The following TRPV1 variants were observed in gnomAD, a reference collection of about 807,000 sequenced individuals.
TRPV1 encodes transient receptor potential cation channel subfamily V member 1, also known as OTRPC1.
In TRPV1, 82 loss-of-function variants were observed where a neutral mutation model predicts 82.3. The observed-to-expected ratio is 1.00, with a 90% CI of 0.83 to 1.20. TRPV1 has a LOEUF of 1.20. Ranked by LOEUF, TRPV1 falls within the 50% of genes most tolerant of loss-of-function variation. TRPV1 has a pLI of 0.00. For missense variants in TRPV1, 1,067 were observed against 1,096.8 expected, an observed-to-expected ratio of 0.97 and a Z score of 0.38; for synonymous variants, 515 against 467.7, an observed-to-expected ratio of 1.10 and a Z score of -1.30.
intron 9 of TRPV1, among the ~76,000 whole-genome samples, chr17:3,584,844 A>C (rs144523486): frequency 6.0e-4 from 92 of 152,320 alleles, no homozygotes; most frequent in African/African-American, 2.2e-3. Flanking sequence ...GTGCCCTGGA[A>C]ACAAAAGCAG....
At chr17:3,584,402 C>CAAG (rs2075057678) in intron 9 of TRPV1, among the ~76,000 whole-genome samples, 1 of 16,746 alleles carries the variant, frequency 6.0e-5, no homozygotes, top group African/African-American at 2.3e-4. Context: ...GACTCTGTCT[C>CAAG]AAAAAAAAAA....
At chr17:3,593,851 C>T (rs972424557) in intron 2 of TRPV1, among the ~76,000 whole-genome samples, 4 of 152,130 alleles carry the variant, frequency 2.6e-5, no homozygotes, top group African/African-American at 4.8e-5. Context: ...CTGGCCTGGG[C>T]GCGTGGCTCA....
intron 14 of TRPV1, among the ~76,000 whole-genome samples, chr17:3,572,748 C>T (rs1321945554): frequency 1.3e-5 from 2 of 152,168 alleles, no homozygotes; most frequent in East Asian, 1.9e-4. Context: ...TTTGGGAGGC[C>T]AAGGCAGGCA....
At position 3,571,644 on chromosome 17, in the gene TRPV1, A is replaced by G; in HGVS notation, c.2232-5T>C. The G allele has an allele frequency of 1.9e-6, 3 of 1,603,324 alleles. No individual in the cohort carries two copies. In the East Asian group the frequency reaches 6.7e-5, roughly 36 times the overall value. ...GTCCAGTTCACCTCGTCCACCCTGC[A>G]GGGTAAGGGGTCGGGAGAGCCTGAG... On this transcript the variant is annotated splice_polypyrimidine_tract_variant and splice_region_variant and intron_variant, in intron 15 of 16. Transcript: ENST00000572705.
intron 12 of TRPV1, among the ~76,000 whole-genome samples, 168 bp downstream of exon 12, chr17:3,577,430 C>T (rs1567661670): frequency 6.6e-6 from 1 of 152,198 alleles, no homozygotes; most frequent in Non-Finnish European, 1.5e-5. Flanking sequence ...CCCCCCTACA[C>T]ATACCTGGGT....
chr17:3,590,186 G>C lies in TRPV1; in HGVS notation c.745+66C>G, dbSNP rs2075139066. On this transcript the variant is annotated intron_variant, in intron 6 of 16. Coordinates refer to ENST00000572705, the MANE Select transcript of TRPV1 (RefSeq NM_080704.4). The stretch of plus-strand genomic sequence containing the variant: ...AACCACCGGCCTCCAAACTCCCTCT[G>C]TCTCTGCCCAAACCTCCCCTTAGCA... The C allele has an allele frequency of 6.3e-6, 10 of 1,595,588 alleles. No individual in the cohort carries two copies. The South Asian group carries it at 9.0e-5, about 14-fold the overall frequency.
chr17:3,595,272 G>A (rs1009432115), intron 2 of TRPV1, among the ~76,000 whole-genome samples: 12 of 152,266 alleles, frequency 7.9e-5, no homozygotes, highest in Admixed American at 7.2e-4. Flanking sequence ...AGGAGACCGA[G>A]GCACAGAGCA....
intron 16 of TRPV1, among the ~76,000 whole-genome samples, chr17:3,569,358 C>T (rs1463255297): frequency 2.6e-5 from 4 of 152,264 alleles, no homozygotes; most frequent in East Asian, 1.9e-4. Context: ...ACCCAGAAGG[C>T]GGAGGTTGCA....
At chr17:3,599,354 G>T (rs1471702512) in intron 2 of TRPV1, among the ~76,000 whole-genome samples, 1 of 152,144 alleles carries the variant, frequency 6.6e-6, no homozygotes, top group African/African-American at 2.4e-5. Flanking sequence ...TCACACTGTT[G>T]TACAACCATC....
In TRPV1 at chr17:3,572,161, T is replaced by TA; in HGVS notation, c.2191dup (p.Tyr731LeufsTer4). The TA allele has an allele frequency of 6.2e-7, 1 of 1,613,666 alleles. No individual in the cohort carries two copies. Among genetic ancestry groups the TA allele is most frequent in the East Asian group, 2.2e-5 (1 of 44,866 alleles). ...GTAGTCGTCCTTGCCATCAGGTGTG[T>TA]ACCCCACCTGCAGCAGCTTGCCTGA... On this transcript the variant is annotated frameshift_variant, in exon 15 of 17. Transcript: ENST00000572705. LOFTEE classifies it high-confidence loss of function.
In TRPV1 at chr17:3,567,005, T is replaced by C. The variant is rs1205708679; in HGVS notation, c.2348-18A>G. On this transcript the variant is annotated intron_variant, in intron 16 of 16. Transcript: ENST00000572705. Reference sequence around the variant, plus strand: ...GCCTGAAACTGAAGGGTAACACTATTACTACCTTGGATGCAACAAAACAAA... The same window carrying C: ...GCCTGAAACTGAAGGGTAACACTATCACTACCTTGGATGCAACAAAACAAA... 5 of 1,612,452 alleles carry C rather than the reference T, an allele frequency of 3.1e-6. No homozygotes were observed. The African/African-American group carries it at 6.7e-5, about 22-fold the overall frequency.
chr17:3,581,507 T>C (rs1432281442), intron 10 of TRPV1, among the ~76,000 whole-genome samples: 1 of 151,670 alleles, frequency 6.6e-6, no homozygotes, highest in African/African-American at 2.4e-5. Flanking sequence ...GAAGACGAAG[T>C]TCAATGACTG....
chr17:3,599,632 C>CTTTTCT (rs1208059505), intron 2 of TRPV1, among the ~76,000 whole-genome samples: 9 of 141,564 alleles, frequency 6.4e-5, no homozygotes, highest in African/African-American at 2.4e-4. Context: ...TTTTTCTTTT[C>CTTTTCT]TTTTTTTTTT....
In TRPV1 at chr17:3,571,516, C is replaced by T. The variant is rs200793682; in HGVS notation, c.2347+8G>A. 1,542 of 1,583,438 alleles carry T rather than the reference C, an allele frequency of 9.7e-4. 2 individuals are homozygous for T. The highest frequency in any genetic ancestry group is 1.2e-3 in the Non-Finnish European group (1,436 of 1,164,368). On this transcript the variant is annotated splice_region_variant and intron_variant, in intron 16 of 16. Transcript: ENST00000572705. ...AGGAGGCGCCAAGCACCGGCCCTCA[C>T]GCCTCACCTCTGCTTGACCGCAGGG...
chr17:3,570,543 A>G (rs1007653773), intron 16 of TRPV1, among the ~76,000 whole-genome samples: 6 of 152,214 alleles, frequency 3.9e-5, no homozygotes, highest in African/African-American at 1.2e-4. Context: ...ATTCAAAAAC[A>G]AAGTGTTCAG....
Position 3,565,509 on chromosome 17 carries a change from T to C in TRPV1, c.*1306A>G, listed in dbSNP as rs1462222183. On this transcript the variant is annotated 3_prime_UTR_variant, in exon 17 of 17. Coordinates refer to ENST00000572705, the MANE Select transcript of TRPV1 (RefSeq NM_080704.4). ...TGGATGGAGTGGAAGCATGTGCCAT[T>C]GCGGAGAAGCAGGACTGGGGTTCCT... is the stretch of plus-strand genomic sequence containing the variant. 6.6e-6 allele frequency: 1 copy of C among 152,248 alleles called. No individual in the cohort carries two copies. The highest frequency in any genetic ancestry group is 1.9e-4 in the East Asian group (1 of 5,190). The allele number at this position is 152,248 out of a possible 1,614,324, so 9.4% of individuals were successfully genotyped here.
intron 13 of TRPV1, among the ~76,000 whole-genome samples, chr17:3,575,968 G>C (rs1324553012): frequency 6.6e-6 from 1 of 152,000 alleles, no homozygotes; most frequent in African/African-American, 2.4e-5. Context: ...GGCTCACCCT[G>C]TCATCCTAGC....
At chr17:3,598,814 G>T (rs548372188) in intron 2 of TRPV1, among the ~76,000 whole-genome samples, 3 of 150,216 alleles carry the variant, frequency 2.0e-5, no homozygotes, top group African/African-American at 7.3e-5. Flanking sequence ...TGATCCACCT[G>T]CCTCGGCCTC....
chr17:3,580,644 GATT>G (rs2074995756), intron 10 of TRPV1, 117 bp from the exon 11 acceptor site: 1 of 1,100,826 alleles, frequency 9.1e-7, no homozygotes, highest in Non-Finnish European at 1.4e-6. Context: ...TGAAAGCACA[GATT>G]GTGAAAAGAG....
Sources: allele counts gnomAD v4.1 joint callset (sites outside exome capture counted in the v4.1 genomes callset), GRCh38; gene constraint gnomAD v4.1.1; transcripts MANE v1.5; gene names NCBI Gene and HGNC (gene_info 2026-07-23, HGNC 2026-07-21).